The following MSRA variants were observed in gnomAD, a reference collection of about 807,000 sequenced individuals.
MSRA encodes mitochondrial peptide methionine sulfoxide reductase.
MSRA carries 54 observed loss-of-function variants against 31.3 expected under a neutral mutation model. The observed-to-expected ratio is 1.73, with a 90% CI of 1.39 to 2.17. MSRA has a LOEUF of 2.17. Among genes scored for constraint, MSRA ranks in the 30% most tolerant of loss-of-function variants. The probability of loss-of-function intolerance (pLI) is 0.00; values close to 1 mark genes in which losing one functional copy is unlikely to be tolerated. For missense variants in MSRA, 507 were observed against 300.9 expected, an observed-to-expected ratio of 1.69 and a Z score of -5.07; for synonymous variants, 169 against 116.5, an observed-to-expected ratio of 1.45 and a Z score of -2.90.
At chr8:10,427,951 G>A (rs1280410049) in intron 5 of MSRA, among the ~76,000 whole-genome samples, 197 bp from the exon 6 acceptor site, 2 of 152,224 alleles carry the variant, frequency 1.3e-5, no homozygotes, top group African/African-American at 4.8e-5. Flanking sequence ...TCAGTTCCCA[G>A]TCAACTGAGG....
chr8:10,175,346 T>G (rs1476916049), intron 1 of MSRA, among the ~76,000 whole-genome samples: 1 of 152,242 alleles, frequency 6.6e-6, no homozygotes, highest in African/African-American at 2.4e-5. Context: ...ATTGGTCTTA[T>G]CTCCGCAATT....
intron 3 of MSRA, among the ~76,000 whole-genome samples, chr8:10,261,227 A>C (rs919126048): frequency 2.0e-5 from 3 of 152,122 alleles, no homozygotes; most frequent in Non-Finnish European, 4.4e-5. Flanking sequence ...TATTTACTCA[A>C]TATTTTAATA....
chr8:10,110,792 T>C (rs1800222286), intron 1 of MSRA, among the ~76,000 whole-genome samples: 1 of 152,198 alleles, frequency 6.6e-6, no homozygotes, highest in Non-Finnish European at 1.5e-5. Flanking sequence ...CTGTGGCTTC[T>C]CCTTTAACCT....
At chr8:10,304,631 C>T (rs746783165) in intron 4 of MSRA, among the ~76,000 whole-genome samples, 24 of 152,156 alleles carry the variant, frequency 1.6e-4, no homozygotes, top group African/African-American at 5.3e-4. Context: ...GAGAGCCAGG[C>T]TACAAATGAA....
rs541127806 is a variant in MSRA, at chr8:10,079,904, T to C, written c.142+25246T>C. ...TCTCTGTTCATAAATTTGCTACTTA[T>C]GAAAAGTGCTTGAAAGCGAAGTTCC... On this transcript the variant is annotated intron_variant, in intron 1 of 5. Transcript: ENST00000317173. Among the ~76,000 whole-genome samples, 7 of 152,358 alleles carry C rather than the reference T, an allele frequency of 4.6e-5. No individual in the cohort carries two copies. The South Asian group carries it at 8.3e-4, about 18-fold the overall frequency.
chr8:10,330,873 C>G (rs1252598780), intron 5 of MSRA, among the ~76,000 whole-genome samples: 1 of 152,136 alleles, frequency 6.6e-6, no homozygotes, highest in African/African-American at 2.4e-5. Context: ...TCTGTGTCCC[C>G]CCAAATTCAT....
At chr8:10,271,384 C>T (rs79727658) in intron 3 of MSRA, among the ~76,000 whole-genome samples, 1 of 151,972 alleles carries the variant, frequency 6.6e-6, no homozygotes, top group Non-Finnish European at 1.5e-5. Flanking sequence ...AGGGCCTTCT[C>T]AATTATGTAA....
At chr8:10,375,204 C>A (rs1210868180) in intron 5 of MSRA, among the ~76,000 whole-genome samples, 1 of 152,206 alleles carries the variant, frequency 6.6e-6, no homozygotes, top group Non-Finnish European at 1.5e-5. Context: ...TTATTCCTAT[C>A]TTTTTTGCAT....
chr8:10,410,327 G>C (rs948564067), intron 5 of MSRA, among the ~76,000 whole-genome samples: 11 of 152,166 alleles, frequency 7.2e-5, no homozygotes, highest in Admixed American at 6.5e-4. Context: ...ACTTGTTTGG[G>C]GGGTGCCGGT....
chr8:10,104,085 AGT>A (rs1799711929), intron 1 of MSRA, among the ~76,000 whole-genome samples: 1 of 152,182 alleles, frequency 6.6e-6, no homozygotes, highest in African/African-American at 2.4e-5. Flanking sequence ...GAGGCTGTAG[AGT>A]GTCTCATTTT....
intron 1 of MSRA, among the ~76,000 whole-genome samples, chr8:10,116,498 AAG>A (rs1800687866): frequency 6.6e-6 from 1 of 152,196 alleles, no homozygotes; most frequent in Admixed American, 6.5e-5. Flanking sequence ...ACAGAGAACA[AAG>A]AGGTGGTCCT....
intron 3 of MSRA, among the ~76,000 whole-genome samples, chr8:10,279,740 G>T (rs982844930): frequency 2.0e-5 from 3 of 152,248 alleles, no homozygotes; most frequent in South Asian, 4.1e-4. Context: ...ACACCTGAAT[G>T]TAGCGTCCAT....
At chr8:10,144,449 G>A (rs892258661) in intron 1 of MSRA, among the ~76,000 whole-genome samples, 1 of 152,142 alleles carries the variant, frequency 6.6e-6, no homozygotes, top group Non-Finnish European at 1.5e-5. Context: ...TTTGTGAAGC[G>A]CTTAGACTGG....
At chr8:10,084,873 A>G (rs1056478622) in intron 1 of MSRA, among the ~76,000 whole-genome samples, 17 of 144,628 alleles carry the variant, frequency 1.2e-4, no homozygotes, top group African/African-American at 3.4e-4. Context: ...TCTCGAGTTT[A>G]GAGGTAGTTA....
At chr8:10,082,405 C>T (rs1286978243) in intron 1 of MSRA, among the ~76,000 whole-genome samples, 1 of 152,080 alleles carries the variant, frequency 6.6e-6, no homozygotes, top group Non-Finnish European at 1.5e-5. Context: ...ACAGCTTCTC[C>T]CTGCTTGAGG....
chr8:10,423,826 C>G (rs980195097), intron 5 of MSRA, among the ~76,000 whole-genome samples: 3 of 152,136 alleles, frequency 2.0e-5, no homozygotes, highest in African/African-American at 4.8e-5. Flanking sequence ...GGTGCTGGGT[C>G]TTGAGGTAGC....
Position 10,319,264 on chromosome 8 carries a change from AC to A in MSRA, c.437-616del, listed in dbSNP as rs1236111866. Among the ~76,000 whole-genome samples the A allele has an allele frequency of 3.3e-5, 5 of 152,106 alleles. No individual in the cohort carries two copies. The South Asian group carries it at 8.3e-4, about 25-fold the overall frequency. ...GGTGGCCTACAGGGGATCTGTGGCA[AC>A]CCTGCGGCTGTTTCACTCTGGGGCA... On this transcript the variant is annotated intron_variant, in intron 4 of 5. Coordinates refer to ENST00000317173, the MANE Select transcript of MSRA (RefSeq NM_012331.5).
chr8:10,138,933 G>C (rs1186353453), intron 1 of MSRA, among the ~76,000 whole-genome samples: 1 of 152,202 alleles, frequency 6.6e-6, no homozygotes, highest in African/African-American at 2.4e-5. Context: ...AGAGCTCCTT[G>C]TCCCCAGAAA....
chr8:10,196,178 C>T (rs17151291), intron 1 of MSRA, among the ~76,000 whole-genome samples: 7,794 of 152,286 alleles, frequency 0.051, 451 homozygotes, highest in African/African-American at 0.14. Flanking sequence ...TGCTTAAGGC[C>T]GCTGACATGT....
Sources: gnomAD v4.1 joint callset for allele counts (sites outside exome capture counted in the v4.1 genomes callset) on GRCh38, gnomAD v4.1.1 for gene constraint, MANE v1.5 for transcripts, NCBI Gene and HGNC (gene_info 2026-07-23, HGNC 2026-07-21) for gene names.